ZGRF1: variants seen among roughly 807,000 people sequenced by gnomAD.
ZGRF1 encodes 5'-3' DNA helicase ZGRF1.
ZGRF1 carries 196 observed loss-of-function variants against 203.5 expected under a neutral mutation model. The observed-to-expected ratio is 0.96, with a 90% CI of 0.86 to 1.08. The LOEUF (loss-of-function observed/expected upper bound fraction) is 1.08. Among genes scored for constraint, ZGRF1 ranks in the 50% least tolerant of loss-of-function variants. The probability of loss-of-function intolerance (pLI) is 0.00; values close to 1 mark genes in which losing one functional copy is unlikely to be tolerated. For missense variants in ZGRF1, 2,326 were observed against 2,416.3 expected (o/e 0.96, Z 0.78); for synonymous variants, 809 against 841.3 (o/e 0.96, Z 0.66).
intron 10 of ZGRF1, among the ~76,000 whole-genome samples, chr4:112,595,349 T>G (rs1215230787): frequency 6.7e-6 from 1 of 150,200 alleles, no homozygotes; most frequent in Non-Finnish European, 1.5e-5. Flanking sequence ...AAGATTATAC[T>G]ATGATTTAGC....
intron 19 of ZGRF1, 90 bp downstream of exon 19, chr4:112,560,643 A>C: frequency 8.7e-7 from 1 of 1,155,270 alleles, no homozygotes. Context: ...CTTGAACCTC[A>C]TTTGACTAGG....
intron 7 of ZGRF1, chr4:112,610,994 G>A: frequency 4.0e-6 from 1 of 251,558 alleles, no homozygotes; most frequent in South Asian, 3.8e-5. Flanking sequence ...AGGCAGGGTA[G>A]GTTTTATTTT....
At chr4:112,607,055 C>T (rs972701319) in intron 8 of ZGRF1, among the ~76,000 whole-genome samples, 2 of 152,158 alleles carry the variant, frequency 1.3e-5, no homozygotes, top group Non-Finnish European at 2.9e-5. Flanking sequence ...TTTAATAACA[C>T]TTATATATAA....
chr4:112,562,362 A>T lies in ZGRF1; in HGVS notation c.4697+9T>A. On this transcript the variant is annotated intron_variant, in intron 18 of 27. Transcript: ENST00000505019. ...AATACCAATGACTCAAAGGTAAAAA[A>T]TGACTTACGTTGTTAACAGGTACTG... is the stretch of plus-strand genomic sequence containing the variant. 1 of 1,502,312 alleles carries T rather than the reference A, an allele frequency of 6.7e-7. No homozygotes were observed. The highest frequency in any genetic ancestry group is 2.3e-5 in the East Asian group (1 of 44,092). The allele number at this position is 1,502,312 out of a possible 1,614,324, so 93.1% of individuals were successfully genotyped here.
chr4:112,568,711 C>CAA (rs76531414), intron 16 of ZGRF1, among the ~76,000 whole-genome samples: 4,767 of 42,246 alleles, frequency 0.11, 378 homozygotes, highest in Non-Finnish European at 0.16. Context: ...AACTCTGTCT[C>CAA]AAAAAAAAAA....
At chr4:112,567,949 A>C (rs979726666) in intron 16 of ZGRF1, among the ~76,000 whole-genome samples, 1 of 151,744 alleles carries the variant, frequency 6.6e-6, no homozygotes, top group Non-Finnish European at 1.5e-5. Flanking sequence ...ACAAACAAAC[A>C]AAAAAAACAG....
intron 10 of ZGRF1, among the ~76,000 whole-genome samples, chr4:112,599,450 T>C (rs567323852): frequency 6.6e-6 from 1 of 152,010 alleles, no homozygotes; most frequent in South Asian, 2.1e-4. Context: ...GGCCAGCCAC[T>C]GTGGCTCACG....
At chr4:112,593,264 T>C (rs932559175) in intron 10 of ZGRF1, among the ~76,000 whole-genome samples, 1 of 152,086 alleles carries the variant, frequency 6.6e-6, no homozygotes, top group Non-Finnish European at 1.5e-5. Context: ...TTTAATCCAG[T>C]AACATCCATG....
At chr4:112,622,521 A>G (rs987948746) in intron 4 of ZGRF1, among the ~76,000 whole-genome samples, 26 of 70,734 alleles carry the variant, frequency 3.7e-4, no homozygotes, top group East Asian at 2.2e-3. Context: ...CTCCATCTCG[A>G]AAAAAAAAAA....
rs1279559645 is a variant in ZGRF1 at position 112,562,491 on chromosome 4, C to T, written c.4583-6G>A. Reference sequence around the variant, plus strand: ...CAATAACGCATGGACAACCACTGTACAGAGGATGCAGAAAATAAACATTTG... The same window carrying T: ...CAATAACGCATGGACAACCACTGTATAGAGGATGCAGAAAATAAACATTTG... On this transcript the variant is annotated splice_region_variant and splice_polypyrimidine_tract_variant and intron_variant, in intron 17 of 27. Coordinates refer to ENST00000505019, the MANE Select transcript of ZGRF1 (RefSeq NM_018392.5). 6.0e-6 allele frequency: 9 copies of T among 1,505,008 alleles called. No homozygotes were observed. The highest frequency in any genetic ancestry group is 3.5e-5 in the Admixed American group (2 of 56,348). The allele number at this position is 1,505,008 out of a possible 1,614,324, so 93.2% of individuals were successfully genotyped here.
chr4:112,620,217 T>G, intron 4 of ZGRF1, 27 bp from the exon 5 acceptor site: 1 of 1,558,228 alleles, frequency 6.4e-7, no homozygotes, highest in Non-Finnish European at 8.7e-7. Flanking sequence ...CAAAATCACA[T>G]ACATCTAATT....
intron 22 of ZGRF1, among the ~76,000 whole-genome samples, chr4:112,551,866 T>C (rs1315049393): frequency 1.3e-5 from 2 of 152,236 alleles, no homozygotes. Context: ...TTTTATTTAT[T>C]ATTATGTTGC....
In ZGRF1 at chr4:112,623,778, AAAT is replaced by A. The variant is rs774077621; in HGVS notation, c.162+36_162+38del. Reference sequence around the variant, plus strand: ...AAAGGAGGTATTTAAAGAGATTTTTAAATAATAACTTAAAAATAAGATAAACAC... The same window carrying A: ...AAAGGAGGTATTTAAAGAGATTTTTAAATAACTTAAAAATAAGATAAACAC... On this transcript the variant is annotated intron_variant, in intron 4 of 27. Coordinates refer to ENST00000505019, the MANE Select transcript of ZGRF1 (RefSeq NM_018392.5). The A allele has an allele frequency of 2.6e-5, 27 of 1,057,600 alleles. No individual in the cohort carries two copies. The South Asian group carries it at 2.9e-4, about 11-fold the overall frequency. The allele number at this position is 1,057,600 out of a possible 1,614,324, so 65.5% of individuals were successfully genotyped here.
intron 3 of ZGRF1, among the ~76,000 whole-genome samples, chr4:112,626,619 C>T (rs751556736): frequency 6.6e-6 from 1 of 152,130 alleles, no homozygotes; most frequent in Non-Finnish European, 1.5e-5. Flanking sequence ...CAGTGTGCAA[C>T]TCACTCGGAT....
chr4:112,599,360 C>A (rs1749558228), intron 10 of ZGRF1, among the ~76,000 whole-genome samples: 1 of 151,882 alleles, frequency 6.6e-6, no homozygotes, highest in Non-Finnish European at 1.5e-5. Flanking sequence ...AACCATTAAG[C>A]TAGTTCTAAA....
intron 16 of ZGRF1, among the ~76,000 whole-genome samples, chr4:112,564,408 A>G (rs1742607517): frequency 6.6e-6 from 1 of 152,196 alleles, no homozygotes; most frequent in African/African-American, 2.4e-5. Context: ...TCAATACCCA[A>G]ATGCATCTGA....
At chr4:112,598,748 A>G (rs1749456824) in intron 10 of ZGRF1, among the ~76,000 whole-genome samples, 1 of 152,180 alleles carries the variant, frequency 6.6e-6, no homozygotes, top group South Asian at 2.1e-4. Flanking sequence ...AAAACATTTA[A>G]TTTTAGAAAA....
At chr4:112,625,596 A>AG (rs1007042046) in intron 3 of ZGRF1, among the ~76,000 whole-genome samples, 1 of 149,464 alleles carries the variant, frequency 6.7e-6, no homozygotes, top group Non-Finnish European at 1.5e-5. Context: ...AAAAAAAAAA[A>AG]AAAAAGAAAA....
chr4:112,617,846 A>G lies in ZGRF1; in HGVS notation c.2196T>C (p.Ser732=), dbSNP rs866188076. 3 of 1,614,100 alleles carry G rather than the reference A, an allele frequency of 1.9e-6. No homozygotes were observed. Among genetic ancestry groups the G allele is most frequent in the East Asian group, 4.5e-5 (2 of 44,874 alleles). The part of the protein sequence containing the change: ...KNDEHVLPST[S]SSDNSVQLLN... The stretch of plus-strand genomic sequence containing the variant: ...ATAGTTGGACACTGTTGTCACTACT[A>G]GAAGTTGAGGGTAAAACATGTTCAT... The change falls in exon 6 of 28, where the codon TCT becomes TCC. Residue 732 remains serine, a synonymous_variant. Transcript: ENST00000505019.
Sources: allele counts gnomAD v4.1 joint callset (sites outside exome capture counted in the v4.1 genomes callset), GRCh38; gene constraint gnomAD v4.1.1; transcripts MANE v1.5; gene names NCBI Gene and HGNC (gene_info 2026-07-23, HGNC 2026-07-21).